KCNH5: variants seen among roughly 807,000 people sequenced by gnomAD.
KCNH5 encodes the protein voltage-gated delayed rectifier potassium channel KCNH5.
In KCNH5, 46 loss-of-function variants were observed where a neutral mutation model predicts 96.1. That is an observed-to-expected ratio of 0.48 (90% CI 0.38 to 0.61). The LOEUF is 0.61. Ranked by LOEUF, KCNH5 falls within the 20% of genes least tolerant of loss-of-function variation. KCNH5 has a pLI of 0.00. For synonymous variants in KCNH5, 439 were observed against 449.8 expected (o/e 0.98, Z 0.30); for missense variants, 907 against 1,225.8 (o/e 0.74, Z 3.88).
At chr14:62,834,224 T>C (rs1425918063) in intron 8 of KCNH5, among the ~76,000 whole-genome samples, 1 of 151,840 alleles carries the variant, frequency 6.6e-6, no homozygotes. Flanking sequence ...CAAAGCTCGA[T>C]CTTAAGCTCT....
chr14:63,004,170 T>A (rs1338454103), intron 3 of KCNH5, among the ~76,000 whole-genome samples: 2 of 152,240 alleles, frequency 1.3e-5, no homozygotes, highest in Non-Finnish European at 2.9e-5. Flanking sequence ...TGAATTTTTC[T>A]ACCTAACACT....
In KCNH5 at chr14:62,850,613, C is replaced by G. The variant is rs935334064; in HGVS notation, c.1370-761G>C. On this transcript the variant is annotated intron_variant, in intron 7 of 10. Coordinates refer to ENST00000322893, the MANE Select transcript of KCNH5 (RefSeq NM_139318.5). ...ATTTCAAAGCCCCAACTGCTCCCTC[C>G]TCCTCAATCCATAATTCACCAACTC... Among the ~76,000 whole-genome samples the G allele has an allele frequency of 2.0e-5, 3 of 152,090 alleles. No homozygotes were observed. The East Asian group carries it at 5.8e-4, about 29-fold the overall frequency.
At chr14:62,800,609 T>G (rs1211885238) in intron 9 of KCNH5, among the ~76,000 whole-genome samples, 5 of 152,204 alleles carry the variant, frequency 3.3e-5, no homozygotes, top group Admixed American at 3.3e-4. Flanking sequence ...GTAATACATT[T>G]GATATTTTTT....
chr14:62,863,848 C>T (rs1299959754), intron 7 of KCNH5, among the ~76,000 whole-genome samples: 1 of 152,012 alleles, frequency 6.6e-6, no homozygotes, highest in Non-Finnish European at 1.5e-5. Context: ...ATATTTTTGT[C>T]TAAAAATTTA....
intron 7 of KCNH5, among the ~76,000 whole-genome samples, chr14:62,871,063 T>C (rs191479843): frequency 5.3e-5 from 8 of 152,366 alleles, no homozygotes; most frequent in Admixed American, 4.6e-4. Context: ...TTCACTGCAA[T>C]TGAACATCCA....
At chr14:62,916,558 T>C (rs1204151323) in intron 7 of KCNH5, among the ~76,000 whole-genome samples, 2 of 152,240 alleles carry the variant, frequency 1.3e-5, no homozygotes, top group African/African-American at 4.8e-5. Context: ...CAATTAAGTT[T>C]GTTGTGCCAT....
chr14:62,899,297 T>TG (rs1888874960), intron 7 of KCNH5, among the ~76,000 whole-genome samples: 1 of 152,104 alleles, frequency 6.6e-6, no homozygotes, highest in Non-Finnish European at 1.5e-5. Context: ...TGTACAGTAA[T>TG]GTTAAAATAA....
chr14:62,980,405 AGAG>A (rs1890583938), intron 6 of KCNH5, among the ~76,000 whole-genome samples: 2 of 152,204 alleles, frequency 1.3e-5, no homozygotes, highest in African/African-American at 4.8e-5. Context: ...ATGTGTCTTG[AGAG>A]GAGGAGTCAA....
chr14:62,959,665 C>T (rs530677361), intron 6 of KCNH5, among the ~76,000 whole-genome samples: 3 of 152,002 alleles, frequency 2.0e-5, no homozygotes, highest in Admixed American at 6.6e-5. Context: ...TAGTATAATC[C>T]TCTGTCCTCC....
rs532066881 is a variant in KCNH5, at chr14:62,967,027, G to T, written c.942+13845C>A. Among the ~76,000 whole-genome samples the T allele has an allele frequency of 9.9e-5, 15 of 152,176 alleles. No individual in the cohort carries two copies. In the East Asian group the frequency reaches 2.9e-3, roughly 29 times the overall value. On this transcript the variant is annotated intron_variant, in intron 6 of 10. Coordinates refer to ENST00000322893, the MANE Select transcript of KCNH5 (RefSeq NM_139318.5). ...TTAACAGGTTGTGTTGGTAATGTTTGGGGATGTAGCTTTTGACAGCCTCAT... is the reference window on the plus strand; with the variant it reads ...TTAACAGGTTGTGTTGGTAATGTTTTGGGATGTAGCTTTTGACAGCCTCAT...
intron 4 of KCNH5, among the ~76,000 whole-genome samples, chr14:62,998,724 A>T (rs1243718621): frequency 6.6e-6 from 1 of 152,180 alleles, no homozygotes; most frequent in African/African-American, 2.4e-5. Context: ...GTTTAGAAAC[A>T]TGTTTCATTT....
intron 10 of KCNH5, among the ~76,000 whole-genome samples, chr14:62,758,509 C>T (rs1566651111): frequency 6.6e-6 from 1 of 152,166 alleles, no homozygotes; most frequent in African/African-American, 2.4e-5. Context: ...TTCTGCTACT[C>T]TTCTCTCAGT....
At chr14:62,984,828 G>A (rs1890674169) in intron 5 of KCNH5, among the ~76,000 whole-genome samples, 1 of 152,112 alleles carries the variant, frequency 6.6e-6, no homozygotes, top group Non-Finnish European at 1.5e-5. Context: ...AAATGTCAAG[G>A]GGAAAGTTTC....
chr14:63,035,720 T>C (rs1891709734), intron 1 of KCNH5, among the ~76,000 whole-genome samples: 1 of 152,208 alleles, frequency 6.6e-6, no homozygotes. Flanking sequence ...TGAACTCAAA[T>C]GCTTTTAAGC....
intron 10 of KCNH5, among the ~76,000 whole-genome samples, chr14:62,717,207 C>T (rs1293835266): frequency 6.6e-6 from 1 of 152,144 alleles, no homozygotes; most frequent in Non-Finnish European, 1.5e-5. Flanking sequence ...CATGGCAATA[C>T]TACCCAAGTT....
intron 7 of KCNH5, among the ~76,000 whole-genome samples, chr14:62,897,194 T>C (rs576068012): frequency 2.0e-4 from 30 of 152,174 alleles, no homozygotes; most frequent in African/African-American, 7.2e-4. Context: ...AAAGTGAAAA[T>C]GACTAAAGAC....
intron 1 of KCNH5, among the ~76,000 whole-genome samples, chr14:63,024,133 C>T (rs901041559): frequency 2.6e-5 from 4 of 151,770 alleles, no homozygotes; most frequent in African/African-American, 4.8e-5. Flanking sequence ...CACTTGAACC[C>T]GGGAGGTAGA....
At position 62,707,817 on chromosome 14, in the gene KCNH5, C is replaced by T. The variant is rs768578773; in HGVS notation, c.2658G>A (p.Glu886=). ...DKAGEARSPL[E]HSPIQADAKH... ...TGGCATCAGCCTGGATGGGACTGTG[C>T]TCTAGCGGACTTCGGGCCTCCCCAG... The change falls in exon 11 of 11, where the codon GAG becomes GAA. Residue 886 remains glutamate, a synonymous_variant. Coordinates refer to ENST00000322893, the MANE Select transcript of KCNH5 (RefSeq NM_139318.5). The T allele has an allele frequency of 6.2e-6, 10 of 1,614,108 alleles. No individual in the cohort carries two copies. The South Asian group carries it at 1.1e-4, about 18-fold the overall frequency.
intron 10 of KCNH5, among the ~76,000 whole-genome samples, chr14:62,777,410 T>G (rs535512501): frequency 1.3e-5 from 2 of 152,310 alleles, no homozygotes; most frequent in East Asian, 3.9e-4. Flanking sequence ...TCGTTGACAT[T>G]TAATAAGATA....
Sources: gnomAD v4.1 joint callset for allele counts (sites outside exome capture counted in the v4.1 genomes callset) on GRCh38, gnomAD v4.1.1 for gene constraint, MANE v1.5 for transcripts, NCBI Gene and HGNC (gene_info 2026-07-23, HGNC 2026-07-21) for gene names.